The following GRM8 variants were observed in gnomAD, a reference collection of about 807,000 sequenced individuals.
The protein encoded by GRM8 is metabotropic glutamate receptor 8.
A neutral mutation model predicts 87.2 loss-of-function variants in GRM8; 47 were observed. That is an observed-to-expected ratio of 0.54 (90% CI 0.43 to 0.69). The LOEUF (loss-of-function observed/expected upper bound fraction) is 0.69, where lower values mean the gene tolerates loss of function less well. Ranked by LOEUF, GRM8 falls within the 30% of genes least tolerant of loss-of-function variation. The pLI is 0.00. For synonymous variants in GRM8, 396 were observed against 404.5 expected, an observed-to-expected ratio of 0.98 and a Z score of 0.25; for missense variants, 1,019 against 1,139.2, an observed-to-expected ratio of 0.89 and a Z score of 1.52.
chr7:127,180,479 T>C lies in GRM8; in HGVS notation c.510+62216A>G, dbSNP rs186444176. On this transcript the variant is annotated intron_variant, in intron 2 of 10. Transcript: ENST00000339582. Reference sequence around the variant, plus strand: ...TTCCACAAGACAGAGAAAGAAGGACTCCTCCTTAATTCATCTTCTGAAGCC... The same window carrying C: ...TTCCACAAGACAGAGAAAGAAGGACCCCTCCTTAATTCATCTTCTGAAGCC... Among the ~76,000 whole-genome samples the C allele has an allele frequency of 2.0e-5, 3 of 152,000 alleles. No individual in the cohort carries two copies. The East Asian group carries it at 5.8e-4, about 29-fold the overall frequency.
chr7:126,896,454 A>G (rs1451494562), intron 6 of GRM8, among the ~76,000 whole-genome samples: 1 of 152,040 alleles, frequency 6.6e-6, no homozygotes, highest in Non-Finnish European at 1.5e-5. Context: ...CTGAATCACC[A>G]AATCAAATTA....
chr7:126,656,086 T>C (rs180787973), intron 7 of GRM8, among the ~76,000 whole-genome samples: 42 of 152,256 alleles, frequency 2.8e-4, no homozygotes, highest in African/African-American at 8.7e-4. Context: ...GGCTTTCCAT[T>C]TGTTGGGGAG....
At chr7:126,550,114 T>A (rs1792416784) in intron 8 of GRM8, among the ~76,000 whole-genome samples, 2 of 150,350 alleles carry the variant, frequency 1.3e-5, no homozygotes. Flanking sequence ...TTTTGTTTTT[T>A]TGTTTTTTTG....
chr7:126,533,719 G>A lies in GRM8; in HGVS notation c.1663C>T (p.Leu555Phe). 1 of 1,614,120 alleles carries A rather than the reference G, an allele frequency of 6.2e-7. No individual in the cohort carries two copies. The highest frequency in any genetic ancestry group is 2.2e-5 in the East Asian group (1 of 44,850). ...NYQVDELSCELCPLDQRPNMN... is the reference protein window; with the variant it reads ...NYQVDELSCEFCPLDQRPNMN... Reference sequence around the variant, plus strand: ...TTGGGTCTCTGATCCAGAGGGCAAAGTTCACAGGACAGCTCATCCACCTGG... The same window carrying A: ...TTGGGTCTCTGATCCAGAGGGCAAAATTCACAGGACAGCTCATCCACCTGG... Residue 555 changes from leucine to phenylalanine, a missense_variant, in exon 9 of 11, where the codon CTT becomes TTT. Coordinates refer to ENST00000339582, the MANE Select transcript of GRM8 (RefSeq NM_000845.3).
intron 9 of GRM8, among the ~76,000 whole-genome samples, chr7:126,505,779 C>T (rs1810365612): frequency 6.6e-6 from 1 of 152,014 alleles, no homozygotes; most frequent in Non-Finnish European, 1.5e-5. Flanking sequence ...TTGAAATGAT[C>T]ACCGCAATTT....
At chr7:126,593,943 T>C (rs977155469) in intron 8 of GRM8, among the ~76,000 whole-genome samples, 31 of 151,962 alleles carry the variant, frequency 2.0e-4, no homozygotes, top group African/African-American at 6.8e-4. Flanking sequence ...AGGACCTGAA[T>C]AGATGCTTTT....
chr7:126,823,932 A>G (rs1794523819), intron 6 of GRM8, among the ~76,000 whole-genome samples: 1 of 152,132 alleles, frequency 6.6e-6, no homozygotes, highest in African/African-American at 2.4e-5. Flanking sequence ...GTGGATTTCC[A>G]TATTTCCATA....
chr7:126,861,492 C>T (rs1798132265), intron 6 of GRM8, among the ~76,000 whole-genome samples: 1 of 151,842 alleles, frequency 6.6e-6, no homozygotes, highest in African/African-American at 2.4e-5. Context: ...GTAGTTTGAC[C>T]AATTTATTCT....
At chr7:126,567,667 A>C (rs1794349229) in intron 8 of GRM8, among the ~76,000 whole-genome samples, 1 of 152,142 alleles carries the variant, frequency 6.6e-6, no homozygotes, top group African/African-American at 2.4e-5. Flanking sequence ...TGGTGCAAAA[A>C]ATAAAATAAA....
chr7:126,509,715 A>C (rs1437058881), intron 9 of GRM8, among the ~76,000 whole-genome samples: 4 of 152,014 alleles, frequency 2.6e-5, no homozygotes, highest in African/African-American at 9.7e-5. Context: ...AATGATAGAG[A>C]TAAAATTTGA....
chr7:127,150,337 A>G (rs1353506912), intron 2 of GRM8, among the ~76,000 whole-genome samples: 2 of 152,072 alleles, frequency 1.3e-5, no homozygotes, highest in African/African-American at 2.4e-5. Context: ...TGGTCACTGA[A>G]ACCAGTGGCT....
At chr7:127,070,652 A>G (rs1456744147) in intron 3 of GRM8, among the ~76,000 whole-genome samples, 1 of 152,166 alleles carries the variant, frequency 6.6e-6, no homozygotes, top group African/African-American at 2.4e-5. Context: ...TACTAGTGAA[A>G]ATTAAGAGCT....
Position 126,807,742 on chromosome 7 carries a change from G to T in GRM8, c.1157-37677C>A, listed in dbSNP as rs540979346. ...CCTAGTCCCAAGTGGTCCCAGGCAT[G>T]TAGGCAATTCTAGAATTTAGGCCTC... On this transcript the variant is annotated intron_variant, in intron 6 of 10. Transcript: ENST00000339582. Among the ~76,000 whole-genome samples the T allele has an allele frequency of 5.3e-5, 8 of 152,224 alleles. No individual in the cohort carries two copies. The South Asian group carries it at 8.3e-4, about 16-fold the overall frequency.
intron 2 of GRM8, among the ~76,000 whole-genome samples, chr7:127,200,769 G>A (rs1397146396): frequency 6.6e-6 from 1 of 152,062 alleles, no homozygotes. Flanking sequence ...ATTGGATTAG[G>A]GCCCATCTTA....
At chr7:126,584,488 C>G (rs1795909948) in intron 8 of GRM8, among the ~76,000 whole-genome samples, 1 of 152,112 alleles carries the variant, frequency 6.6e-6, no homozygotes, top group South Asian at 2.1e-4. Flanking sequence ...TGTTTGTTGA[C>G]CGATTGTCTC....
intron 6 of GRM8, among the ~76,000 whole-genome samples, chr7:126,894,215 A>G (rs1305010472): frequency 1.3e-5 from 2 of 152,144 alleles, no homozygotes; most frequent in Admixed American, 6.6e-5. Flanking sequence ...AAGGAAGACA[A>G]TTTATCCTAA....
intron 6 of GRM8, among the ~76,000 whole-genome samples, chr7:126,881,694 C>T (rs1800040004): frequency 6.6e-6 from 1 of 152,122 alleles, no homozygotes; most frequent in Non-Finnish European, 1.5e-5. Flanking sequence ...AGCCACAGAC[C>T]TCACTCTATG....
At chr7:126,566,384 AAAG>A (rs939014312) in intron 8 of GRM8, among the ~76,000 whole-genome samples, 1 of 152,188 alleles carries the variant, frequency 6.6e-6, no homozygotes, top group Admixed American at 6.5e-5. Context: ...ACATTTATCC[AAAG>A]AAGATCTACA....
chr7:127,191,942 A>T (rs532375177), intron 2 of GRM8, among the ~76,000 whole-genome samples: 50 of 152,252 alleles, frequency 3.3e-4, no homozygotes, highest in African/African-American at 1.1e-3. Flanking sequence ...CCATTTTTCT[A>T]TCTTCCATGC....
Sources: allele counts gnomAD v4.1 joint callset (sites outside exome capture counted in the v4.1 genomes callset), GRCh38; gene constraint gnomAD v4.1.1; transcripts MANE v1.5; gene names NCBI Gene and HGNC (gene_info 2026-07-23, HGNC 2026-07-21).